CACNA1G: variants seen among roughly 807,000 people sequenced by gnomAD.
The protein encoded by CACNA1G is calcium voltage-gated channel subunit alpha1 G.
CACNA1G carries 67 observed loss-of-function variants against 219.4 expected under a neutral mutation model. The observed-to-expected ratio is 0.31, with a 90% CI of 0.25 to 0.37. The LOEUF is 0.37. CACNA1G is among the 10% of genes least tolerant of loss of function. The probability of loss-of-function intolerance (pLI) is 1.00; values close to 1 mark genes in which losing one functional copy is unlikely to be tolerated. For missense variants in CACNA1G, 2,380 were observed against 3,231.4 expected (o/e 0.74, Z 6.39); for synonymous variants, 1,296 against 1,345.3 (o/e 0.96, Z 0.80).
intron 35 of CACNA1G, 115 bp from the exon 36 acceptor site, chr17:50,623,792 C>T: frequency 9.1e-7 from 1 of 1,095,094 alleles, no homozygotes; most frequent in Non-Finnish European, 1.3e-6. Context: ...CCTGGGAGGG[C>T]ACGGGGGTGA....
rs1199909799 is a variant in CACNA1G, at chr17:50,568,850, GT to G, written c.243-17del. ...GCCTCAGCTCCAGCCTTGGCCAGCTGTTTCCTTGACTGCCAGTACCTGGTTT... is the reference window on the plus strand; with the variant it reads ...GCCTCAGCTCCAGCCTTGGCCAGCTGTTCCTTGACTGCCAGTACCTGGTTT... On this transcript the variant is annotated intron_variant, in intron 1 of 37. Coordinates refer to ENST00000359106, the MANE Select transcript of CACNA1G (RefSeq NM_018896.5). The G allele has an allele frequency of 1.2e-6, 2 of 1,606,784 alleles. No homozygotes were observed. Among genetic ancestry groups the G allele is most frequent in the South Asian group, 2.2e-5 (2 of 90,940 alleles).
At chr17:50,598,859 T>C (rs2046062594) in intron 16 of CACNA1G, among the ~76,000 whole-genome samples, 1 of 152,220 alleles carries the variant, frequency 6.6e-6, no homozygotes, top group Admixed American at 6.5e-5. Flanking sequence ...CCTGAGTAGC[T>C]GGGATTACAG....
At chr17:50,579,480 G>T (rs1276329649) in intron 9 of CACNA1G, among the ~76,000 whole-genome samples, 1 of 152,120 alleles carries the variant, frequency 6.6e-6, no homozygotes, top group African/African-American at 2.4e-5. Context: ...TCACAACTGG[G>T]TTTGGCTCCC....
At chr17:50,594,652 C>T (rs1264428542) in intron 13 of CACNA1G, among the ~76,000 whole-genome samples, 1 of 152,168 alleles carries the variant, frequency 6.6e-6, no homozygotes, top group Non-Finnish European at 1.5e-5. Context: ...TCCTACCTTG[C>T]AAGGAAGCCA....
intron 26 of CACNA1G, among the ~76,000 whole-genome samples, chr17:50,613,091 C>T (rs1225398143): frequency 6.6e-6 from 1 of 152,250 alleles, no homozygotes; most frequent in Non-Finnish European, 1.5e-5. Context: ...GGGCCAAGGC[C>T]TCAAAGCCTT....
Position 50,605,939 on chromosome 17 carries a change from C to G in CACNA1G, c.4338C>G (p.Thr1446=). 2.5e-6 allele frequency: 4 copies of G among 1,613,604 alleles called. No homozygotes were observed. Among genetic ancestry groups the G allele is most frequent in the Non-Finnish European group, 3.4e-6 (4 of 1,179,842 alleles). ...TTTTCGTGTGCCAGGGCGAGGATAC[C>G]AGGAACATCACCAATAAATCGGACT... ...GKFFVCQGED[T]RNITNKSDCA... Residue 1446 remains threonine (T), a synonymous_variant, in exon 23 of 38, where the codon ACC becomes ACG. Transcript: ENST00000359106.
intron 17 of CACNA1G, 59 bp downstream of exon 17, chr17:50,599,918 G>A (rs1376228757): frequency 1.3e-6 from 2 of 1,517,540 alleles, no homozygotes; most frequent in Admixed American, 1.8e-5. Flanking sequence ...GGGGAGGTGT[G>A]CCTGGCCTGG....
Position 50,626,725 on chromosome 17 carries a change from T to G in CACNA1G, c.7108T>G (p.Ser2370Ala), listed in dbSNP as rs762905981. 6.2e-7 allele frequency: 1 copy of G among 1,613,156 alleles called. No individual in the cohort carries two copies. The highest frequency in any genetic ancestry group is 8.5e-7 in the Non-Finnish European group (1 of 1,179,900). ...TGTGCTGAGTCTCTCCGGTTTATCC[T>G]CTGACCCAGCAGACCTGGACCCCTG... ...KDVLSLSGLS[S>A]DPADLDP The change falls in exon 38 of 38, where the codon TCT (serine) becomes GCT (alanine). Residue 2370 changes from serine (S) to alanine (A), a missense_variant. Coordinates refer to ENST00000359106, the MANE Select transcript of CACNA1G (RefSeq NM_018896.5). This position sits in a 1 kb window ranked among gnomAD's most constrained non-coding sequence, Gnocchi z 4.3.
At position 50,591,769 on chromosome 17, in the gene CACNA1G, G is replaced by A. The variant is rs778565825; in HGVS notation, c.2670G>A (p.Lys890=). 1.2e-6 allele frequency: 2 copies of A among 1,614,002 alleles called. No individual in the cohort carries two copies. The highest frequency in any genetic ancestry group is 1.7e-6 in the Non-Finnish European group (2 of 1,179,882). The stretch of plus-strand genomic sequence containing the variant: ...TGGGCATGCATCTCTTCGGCTGCAA[G>A]TTTGCCTCTGAGCGGGATGGGGACA... ...SILGMHLFGC[K]FASERDGDTL... Residue 890 remains lysine (K), a synonymous_variant, in exon 12 of 38, where the codon AAG becomes AAA. Transcript: ENST00000359106.
chr17:50,561,682 C>A lies in CACNA1G; in HGVS notation c.223C>A (p.Leu75Ile). ...SQDSRPRSWC[L>I]RTVCNPWFER... ...GGACAGCCGCCCGCGGAGCTGGTGT[C>A]TCCGCACGGTCTGTAACCCATATCC... The change falls in exon 1 of 38, where the codon CTC becomes ATC. Residue 75 changes from leucine (L) to isoleucine (I), a missense_variant. By Grantham distance (5) the Leu-to-Ile change is conservative (BLOSUM62 2). Coordinates refer to ENST00000359106, the MANE Select transcript of CACNA1G (RefSeq NM_018896.5). The A allele has an allele frequency of 6.2e-7, 1 of 1,603,772 alleles. No homozygotes were observed. Among genetic ancestry groups the A allele is most frequent in the Non-Finnish European group, 8.5e-7 (1 of 1,175,236 alleles).
At chr17:50,570,107 A>C (rs2039032364) in intron 4 of CACNA1G, among the ~76,000 whole-genome samples, 2 of 152,040 alleles carry the variant, frequency 1.3e-5, no homozygotes, top group African/African-American at 4.8e-5. Flanking sequence ...GGGTGTGGGG[A>C]CTGGAGAGGC....
At chr17:50,595,785 C>A (rs1454391052) in intron 14 of CACNA1G, among the ~76,000 whole-genome samples, 1 of 152,226 alleles carries the variant, frequency 6.6e-6, no homozygotes, top group Non-Finnish European at 1.5e-5. Flanking sequence ...CCCTGGAGAT[C>A]CCACTTGATA....
chr17:50,587,635 G>T (rs2043250540), intron 9 of CACNA1G, among the ~76,000 whole-genome samples: 1 of 152,250 alleles, frequency 6.6e-6, no homozygotes, highest in Admixed American at 6.5e-5. Context: ...CCTAAGTGTT[G>T]CAGGGAGACT....
At chr17:50,590,733 C>A in intron 10 of CACNA1G, 111 bp downstream of exon 10, 1 of 909,270 alleles carries the variant, frequency 1.1e-6, no homozygotes, top group Non-Finnish European at 1.7e-6. Flanking sequence ...TGGAGTCAGG[C>A]CCCACTGACC....
intron 22 of CACNA1G, among the ~76,000 whole-genome samples, chr17:50,604,727 G>C (rs1299666222): frequency 6.6e-6 from 1 of 152,260 alleles, no homozygotes; most frequent in African/African-American, 2.4e-5. Flanking sequence ...GGCAGGAAGT[G>C]GGGGCTGCTG....
Position 50,578,160 on chromosome 17 carries a change from G to C in CACNA1G, c.1925-28G>C. 6.6e-7 allele frequency: 1 copy of C among 1,516,968 alleles called. No individual in the cohort carries two copies. 94.0% of individuals were successfully genotyped at this position (1,516,968 alleles called of 1,614,324 possible). A position where few individuals can be genotyped will look rare whatever the true frequency, so the allele number is the denominator to read the frequency against. ...GTAGCCCCAGGTACGAGACTCTGGAGCCTCTCACCTCTACTCTCCTGTTCC... is the reference window on the plus strand; with the variant it reads ...GTAGCCCCAGGTACGAGACTCTGGACCCTCTCACCTCTACTCTCCTGTTCC... On this transcript the variant is annotated intron_variant, in intron 8 of 37. Coordinates refer to ENST00000359106, the MANE Select transcript of CACNA1G (RefSeq NM_018896.5). This position sits in a 1 kb window ranked among gnomAD's most constrained non-coding sequence, Gnocchi z 4.5.
chr17:50,618,028 TTTC>T lies in CACNA1G; in HGVS notation c.5227-15_5227-13del. The T allele has an allele frequency of 6.2e-7, 1 of 1,613,570 alleles. No individual in the cohort carries two copies. Among genetic ancestry groups the T allele is most frequent in the South Asian group, 1.1e-5 (1 of 91,066 alleles). ...GGGAGACCCAGCGGCATCGTTTCTA[TTTC>T]TTCTCCTTTTTTCCAGGTGGGGAAC... On this transcript the variant is annotated splice_polypyrimidine_tract_variant and intron_variant, in intron 30 of 37. Coordinates refer to ENST00000359106, the MANE Select transcript of CACNA1G (RefSeq NM_018896.5). The surrounding 1 kb of genome is among the most constrained non-coding windows in gnomAD (Gnocchi z 5.3).
At chr17:50,623,678 C>A (rs959258003) in intron 35 of CACNA1G, among the ~76,000 whole-genome samples, 2 of 152,024 alleles carry the variant, frequency 1.3e-5, no homozygotes, top group East Asian at 3.9e-4. Flanking sequence ...CAGACTCTCC[C>A]GGCTGCCCAG....
At chr17:50,624,146 C>T (rs919921337) in intron 36 of CACNA1G, 71 bp downstream of exon 36, 5 of 1,544,448 alleles carry the variant, frequency 3.2e-6, no homozygotes, top group Non-Finnish European at 4.4e-6. Flanking sequence ...CAGTCCTGAT[C>T]TGAGGGGATG....
Sources: gnomAD v4.1 joint callset for allele counts (sites outside exome capture counted in the v4.1 genomes callset) on GRCh38, gnomAD v4.1.1 for gene constraint, Gnocchi (gnomAD v3.1) non-coding constraint, MANE v1.5 for transcripts, NCBI Gene and HGNC (gene_info 2026-07-23, HGNC 2026-07-21) for gene names.